The following COL25A1 variants were observed in gnomAD, a reference collection of about 807,000 sequenced individuals.
COL25A1 encodes the protein collagen alpha-1(XXV) chain.
In COL25A1, 103 loss-of-function variants were observed where a neutral mutation model predicts 128.4. The observed-to-expected ratio is 0.80, with a 90% CI of 0.68 to 0.94. The LOEUF is 0.94. Ranked by LOEUF, COL25A1 falls within the 40% of genes least tolerant of loss-of-function variation. COL25A1 has a pLI of 0.00. For synonymous variants in COL25A1, 279 were observed against 277.2 expected (o/e 1.01, Z -0.06); for missense variants, 745 against 840.0 (o/e 0.89, Z 1.40).
At chr4:108,872,694 A>ACACG (rs1738898979) in intron 19 of COL25A1, among the ~76,000 whole-genome samples, 1 of 47,584 alleles carries the variant, frequency 2.1e-5, no homozygotes, top group South Asian at 3.5e-4. Context: ...ATATATATAC[A>ACACG]CACACACACA....
At chr4:109,011,542 A>C (rs988596402) in intron 5 of COL25A1, among the ~76,000 whole-genome samples, 1 of 152,224 alleles carries the variant, frequency 6.6e-6, no homozygotes, top group African/African-American at 2.4e-5. Flanking sequence ...TTAATTCCTT[A>C]CCAAGTGCCA....
intron 16 of COL25A1, among the ~76,000 whole-genome samples, chr4:108,895,938 C>CTTTTTTTT (rs35506597): frequency 1.7e-4 from 12 of 70,824 alleles, no homozygotes; most frequent in Non-Finnish European, 2.8e-4. Context: ...TATAATCAAA[C>CTTTTTTTT]TTTTTTTTTT....
rs182727738 is a variant in COL25A1, at chr4:108,908,403, T to C, written c.781-7231A>G. ...CCTAGGAAATCGGCTTCTCTCTGTG[T>C]GTAGCAGTTCAGTAGTCTTTAGCTC... On this transcript the variant is annotated intron_variant, in intron 13 of 37. Transcript: ENST00000399132. Among the ~76,000 whole-genome samples, 75 of 152,322 alleles carry C rather than the reference T, an allele frequency of 4.9e-4. 2 individuals are homozygous for C. The highest frequency in any genetic ancestry group is 4.4e-3 in the Admixed American group (67 of 15,292).
intron 35 of COL25A1, chr4:108,819,944 A>T: frequency 8.7e-6 from 8 of 915,592 alleles, no homozygotes; most frequent in African/African-American, 1.7e-5. Context: ...TATTTGGGGG[A>T]AAATAACGGT....
chr4:108,876,201 A>G (rs1739425977), intron 19 of COL25A1, among the ~76,000 whole-genome samples: 1 of 151,910 alleles, frequency 6.6e-6, no homozygotes, highest in Admixed American at 6.6e-5. Flanking sequence ...CCTAGAACTT[A>G]AAGTATAAAA....
intron 31 of COL25A1, among the ~76,000 whole-genome samples, chr4:108,833,429 G>A (rs1050719802): frequency 8.5e-5 from 13 of 152,168 alleles, no homozygotes; most frequent in Non-Finnish European, 1.8e-4. Flanking sequence ...ATGTAAGAAC[G>A]CTGAGGTCCA....
rs931559957 is a variant in COL25A1, at chr4:109,048,079, T to C, written c.420+89A>G. ...GTCAGTAACATTTTTCTAATAGACA[T>C]AGAGACTATATTTTGGTGTTTTAAC... is the stretch of plus-strand genomic sequence containing the variant. On this transcript the variant is annotated intron_variant, in intron 5 of 37. Coordinates refer to ENST00000399132, the MANE Select transcript of COL25A1 (RefSeq NM_198721.4). The C allele has an allele frequency of 6.5e-6, 9 of 1,382,370 alleles. No individual in the cohort carries two copies. The African/African-American group carries it at 1.0e-4, about 15-fold the overall frequency. 85.6% of individuals were successfully genotyped at this position (1,382,370 alleles called of 1,614,324 possible).
In COL25A1 at chr4:108,862,790, T is replaced by C. The variant is rs1414364573; in HGVS notation, c.1153-245A>G. ...CCTCCCATCAGTGGATGAGAAGAGT[T>C]CTGTGAATAATTCTCATTAGTCTCA... On this transcript the variant is annotated intron_variant, in intron 21 of 37. Coordinates refer to ENST00000399132, the MANE Select transcript of COL25A1 (RefSeq NM_198721.4). 3.3e-5 allele frequency among the ~76,000 whole-genome samples: 5 copies of C among 152,212 alleles called. No individual in the cohort carries two copies. In the East Asian group the frequency reaches 9.6e-4, roughly 29 times the overall value.
At chr4:108,992,232 A>G (rs1389643773) in intron 6 of COL25A1, among the ~76,000 whole-genome samples, 1 of 152,174 alleles carries the variant, frequency 6.6e-6, no homozygotes, top group Non-Finnish European at 1.5e-5. Flanking sequence ...GAAACTCCAA[A>G]AGAGAGTTAT....
At chr4:109,093,463 A>AACAAACAAAC (rs531575710) in intron 3 of COL25A1, among the ~76,000 whole-genome samples, 9,132 of 148,806 alleles carry the variant, frequency 0.061, 584 homozygotes, top group East Asian at 0.28. Flanking sequence ...CTATGAAAAA[A>AACAAACAAAC]AAAAAAAAAA....
At chr4:109,107,229 CCT>C (rs1766527342) in intron 3 of COL25A1, among the ~76,000 whole-genome samples, 1 of 151,722 alleles carries the variant, frequency 6.6e-6, no homozygotes, top group Non-Finnish European at 1.5e-5. Flanking sequence ...CTTTTTTTAC[CCT>C]GTCTCCACAA....
intron 10 of COL25A1, among the ~76,000 whole-genome samples, chr4:108,939,257 C>T (rs1747796800): frequency 6.6e-6 from 1 of 152,106 alleles, no homozygotes; most frequent in South Asian, 2.1e-4. Flanking sequence ...GATCTCTCTA[C>T]CTTTTGGAAT....
chr4:109,090,027 T>TA (rs1382735706), intron 3 of COL25A1, among the ~76,000 whole-genome samples: 1 of 152,236 alleles, frequency 6.6e-6, no homozygotes, highest in South Asian at 2.1e-4. Context: ...TCAGTATATA[T>TA]AAATGTAAAA....
chr4:109,237,248 C>G (rs553580386), intron 3 of COL25A1, among the ~76,000 whole-genome samples: 1 of 151,936 alleles, frequency 6.6e-6, no homozygotes, highest in African/African-American at 2.4e-5. Context: ...GTGATCTTCA[C>G]GTTACAAAAA....
intron 19 of COL25A1, among the ~76,000 whole-genome samples, chr4:108,871,343 G>A (rs901571889): frequency 6.6e-6 from 1 of 151,898 alleles, no homozygotes; most frequent in African/African-American, 2.4e-5. Context: ...TTTTTGAGAC[G>A]GAGTCTCAGT....
chr4:108,883,280 A>G (rs1740359635), intron 19 of COL25A1, among the ~76,000 whole-genome samples: 1 of 152,098 alleles, frequency 6.6e-6, no homozygotes, highest in Non-Finnish European at 1.5e-5. Flanking sequence ...CGCCCGCTTC[A>G]GCCTCCCAAA....
At chr4:109,098,929 C>T (rs1209495954) in intron 3 of COL25A1, among the ~76,000 whole-genome samples, 2 of 152,142 alleles carry the variant, frequency 1.3e-5, no homozygotes, top group African/African-American at 4.8e-5. Context: ...CTTCTGGCTC[C>T]AGTACTTAGC....
chr4:109,278,533 C>A (rs183599418), intron 3 of COL25A1, among the ~76,000 whole-genome samples: 131 of 152,248 alleles, frequency 8.6e-4, no homozygotes, highest in African/African-American at 3.1e-3. Context: ...TTCTGAAAAA[C>A]TAAATATACT....
intron 19 of COL25A1, among the ~76,000 whole-genome samples, chr4:108,877,293 G>A (rs368323326): frequency 2.1e-4 from 32 of 152,274 alleles, no homozygotes; most frequent in African/African-American, 7.5e-4. Context: ...CAATCTTGTA[G>A]TATAAGCTCA....
Sources: gnomAD v4.1 joint callset for allele counts (sites outside exome capture counted in the v4.1 genomes callset) on GRCh38, gnomAD v4.1.1 for gene constraint, MANE v1.5 for transcripts, NCBI Gene and HGNC (gene_info 2026-07-23, HGNC 2026-07-21) for gene names.